The following AKAP9 variants were observed in gnomAD, a reference collection of about 807,000 sequenced individuals.
AKAP9 encodes A-kinase anchoring protein 9, also known as A-kinase anchor protein 9.
AKAP9 carries 311 observed loss-of-function variants against 488.5 expected under a neutral mutation model. The observed-to-expected ratio is 0.64, with a 90% CI of 0.58 to 0.70. The LOEUF (loss-of-function observed/expected upper bound fraction) is 0.70, where lower values mean the gene tolerates loss of function less well. Among genes scored for constraint, AKAP9 ranks in the 30% least tolerant of loss-of-function variants. The pLI is 0.00. For missense variants in AKAP9, 4,215 were observed against 4,374.5 expected (o/e 0.96, Z 1.03); for synonymous variants, 1,462 against 1,483.5 (o/e 0.99, Z 0.33).
At position 92,107,428 on chromosome 7, in the gene AKAP9, A is replaced by T; in HGVS notation, c.11546+6A>T. 1 of 1,613,026 alleles carries T rather than the reference A, an allele frequency of 6.2e-7. No individual in the cohort carries two copies. The highest frequency in any genetic ancestry group is 8.5e-7 in the Non-Finnish European group (1 of 1,179,318). On this transcript the variant is annotated splice_donor_region_variant and intron_variant, in intron 48 of 49. Transcript: ENST00000356239. The stretch of plus-strand genomic sequence containing the variant: ...CCTTTACCATTTCAGAATAGGTAAG[A>T]ATATGAGAAAACCTGCCTGGAATTG...
Position 91,973,896 on chromosome 7 carries a change from T to G in AKAP9, c.234T>G (p.Ile78Met), listed in dbSNP as rs1795367276. 1 of 1,613,960 alleles carries G rather than the reference T, an allele frequency of 6.2e-7. No individual in the cohort carries two copies. The highest frequency in any genetic ancestry group is 1.1e-5 in the South Asian group (1 of 91,064). ...CTCAGAGAGTAGAATCAACTGTGAT[T>G]CCTGAATCTACAATAATGAGAACTC... ...NSSQRVESTV[I>M]PESTIMRTLH... The change falls in exon 2 of 50, where the codon ATT becomes ATG. Residue 78 changes from isoleucine to methionine, a missense_variant. Around this residue, in one of 5 missense-constraint regions of AKAP9, gnomAD observed 2,361 missense variants for 2,430.0 expected, o/e 0.97. Coordinates refer to ENST00000356239, the MANE Select transcript of AKAP9 (RefSeq NM_005751.5).
At chr7:91,988,289 C>A (rs1271687783) in intron 3 of AKAP9, among the ~76,000 whole-genome samples, 2 of 130,044 alleles carry the variant, frequency 1.5e-5, no homozygotes, top group Non-Finnish European at 3.2e-5. Flanking sequence ...CAGAGCAAGA[C>A]CCCCTCTCAA....
chr7:91,992,837 A>G lies in AKAP9; in HGVS notation c.406-48A>G, dbSNP rs1288482384. ...TTTCAGTATTTGAATCTCTCTCCCT[A>G]AGGAATATTGCTAATACTGAATTCT... is the stretch of plus-strand genomic sequence containing the variant. On this transcript the variant is annotated intron_variant, in intron 4 of 49. Coordinates refer to ENST00000356239, the MANE Select transcript of AKAP9 (RefSeq NM_005751.5). 3.2e-6 allele frequency: 5 copies of G among 1,550,674 alleles called. No individual in the cohort carries two copies. In the African/African-American group the frequency reaches 6.8e-5, roughly 21 times the overall value.
In AKAP9 at chr7:92,084,917, G is replaced by C. The variant is rs1395204504; in HGVS notation, c.8809G>C (p.Asp2937His). The C allele has an allele frequency of 6.2e-7, 1 of 1,613,234 alleles. No homozygotes were observed. Among genetic ancestry groups the C allele is most frequent in the Non-Finnish European group, 8.5e-7 (1 of 1,179,556 alleles). The stretch of plus-strand genomic sequence containing the variant: ...AGGAGAAGAAAGTGAAAGTGCAACA[G>C]ATTCCTTTCCAAAGAAAATAAAGGT... ...GRGEESESAT[D>H]SFPKKIKGLL... The change falls in exon 35 of 50, where the codon GAT becomes CAT. Residue 2937 changes from aspartate to histidine, a missense_variant. Asp to His is a moderately conservative substitution (Grantham distance 81). Around this residue, in one of 5 missense-constraint regions of AKAP9, gnomAD observed 1,476 missense variants for 1,477.4 expected, o/e 1.00. Transcript: ENST00000356239.
rs1408173095 is a variant in AKAP9 at position 91,957,068 on chromosome 7, G to C, written c.48+15921G>C. On this transcript the variant is annotated intron_variant, in intron 1 of 49. Transcript: ENST00000356239. ...TTTGTAACGCGAATAACTACTTCCT[G>C]ATTTACATCTCAATATATTCTCCTT... is the stretch of plus-strand genomic sequence containing the variant. 2.0e-5 allele frequency among the ~76,000 whole-genome samples: 3 copies of C among 151,962 alleles called. No homozygotes were observed. The East Asian group carries it at 5.8e-4, about 29-fold the overall frequency.
Position 91,994,780 on chromosome 7 carries a change from A to G in AKAP9, c.732+4A>G. The G allele has an allele frequency of 6.2e-7, 1 of 1,607,108 alleles. No homozygotes were observed. Among genetic ancestry groups the G allele is most frequent in the Non-Finnish European group, 8.5e-7 (1 of 1,176,088 alleles). On this transcript the variant is annotated splice_donor_region_variant and intron_variant, in intron 6 of 49. Transcript: ENST00000356239. ...ATTACAGATTCAATTTCAGCAAGTA[A>G]GTATTACTAATGCAACAAAATTCAT...
At chr7:91,976,817 A>G (rs1212064204) in intron 2 of AKAP9, among the ~76,000 whole-genome samples, 1 of 151,910 alleles carries the variant, frequency 6.6e-6, no homozygotes, top group Non-Finnish European at 1.5e-5. Flanking sequence ...TCAATTCCAG[A>G]ATTTTTATTT....
chr7:92,061,781 G>A (rs1226379068), intron 23 of AKAP9, among the ~76,000 whole-genome samples: 1 of 151,630 alleles, frequency 6.6e-6, no homozygotes, highest in Non-Finnish European at 1.5e-5. Context: ...AATTGTTAAA[G>A]GGCACAAATA....
In AKAP9 at chr7:92,070,233, A is replaced by C. The variant is rs143180980; in HGVS notation, c.6507+27A>C. 6.9e-4 allele frequency: 1,116 copies of C among 1,611,736 alleles called. 9 individuals carry two copies. The African/African-American group carries it at 0.013, about 18-fold the overall frequency. ...TGTGGCATTTTATTTGGGCTAACTT[A>C]ATAAGTGTTTTAATGAAGAATACTC... On this transcript the variant is annotated intron_variant, in intron 27 of 49. Coordinates refer to ENST00000356239, the MANE Select transcript of AKAP9 (RefSeq NM_005751.5).
intron 28 of AKAP9, among the ~76,000 whole-genome samples, chr7:92,073,340 CAAA>C (rs397713211): frequency 7.9e-6 from 1 of 127,092 alleles, no homozygotes. Flanking sequence ...ACTAAAAATA[CAAA>C]AAAAAAAAAA....
chr7:92,056,235 T>C (rs1808770507), intron 22 of AKAP9, among the ~76,000 whole-genome samples: 1 of 151,992 alleles, frequency 6.6e-6, no homozygotes, highest in Non-Finnish European at 1.5e-5. Context: ...TGTTAACTGT[T>C]TATAAAGGGT....
intron 30 of AKAP9, among the ~76,000 whole-genome samples, chr7:92,078,769 C>G (rs530680090): frequency 1.4e-4 from 22 of 152,076 alleles, no homozygotes; most frequent in African/African-American, 5.3e-4. Flanking sequence ...ACCTTTGGTG[C>G]CATCGGTTGT....
At chr7:91,982,159 T>C (rs1164651623) in intron 3 of AKAP9, among the ~76,000 whole-genome samples, 1 of 148,994 alleles carries the variant, frequency 6.7e-6, no homozygotes, top group Non-Finnish European at 1.5e-5. Flanking sequence ...TCTAAGTATT[T>C]TACGTACGTA....
At chr7:91,968,155 C>G (rs1014716802) in intron 1 of AKAP9, among the ~76,000 whole-genome samples, 2 of 152,112 alleles carry the variant, frequency 1.3e-5, no homozygotes, top group African/African-American at 4.8e-5. Flanking sequence ...CCAGGCTGGT[C>G]TCAAACTCCT....
At position 92,022,974 on chromosome 7, in the gene AKAP9, G is replaced by A; in HGVS notation, c.4113G>A (p.Arg1371=). The A allele has an allele frequency of 6.2e-7, 1 of 1,614,028 alleles. No individual in the cohort carries two copies. Among genetic ancestry groups the A allele is most frequent in the East Asian group, 2.2e-5 (1 of 44,842 alleles). Residue 1371 remains arginine (R), a synonymous_variant, in exon 14 of 50, where the codon AGG becomes AGA. Coordinates refer to ENST00000356239, the MANE Select transcript of AKAP9 (RefSeq NM_005751.5). Reference sequence around the variant, plus strand: ...CAGAGATCCACTGTTTACAGAAGAGGCTTCAAGCTGTTAGTGAGTCCACGG... The same window carrying A: ...CAGAGATCCACTGTTTACAGAAGAGACTTCAAGCTGTTAGTGAGTCCACGG... ...YEAEIHCLQK[R]LQAVSESTVP... is the part of the protein sequence containing the mutation.
At chr7:92,014,440 C>T (rs1339743943) in intron 10 of AKAP9, 112 bp downstream of exon 10, 2 of 765,588 alleles carry the variant, frequency 2.6e-6, no homozygotes, top group Non-Finnish European at 4.6e-6. Flanking sequence ...CCAGCCTGGC[C>T]AACGTGGTGA....
At chr7:91,980,361 TATC>T in intron 3 of AKAP9, 28 bp downstream of exon 3, 1 of 1,232,932 alleles carries the variant, frequency 8.1e-7, no homozygotes, top group Non-Finnish European at 1.2e-6. Flanking sequence ...TGATTTCTAA[TATC>T]ATAAATGTAT....
chr7:92,041,864 T>C, intron 18 of AKAP9, 182 bp from the exon 19 acceptor site: 1 of 595,224 alleles, frequency 1.7e-6, no homozygotes, highest in East Asian at 2.9e-5. Context: ...AATTGGCTTT[T>C]AAAAAATATT....
intron 22 of AKAP9, chr7:92,058,411 T>C (rs760991101): frequency 1.7e-5 from 9 of 521,408 alleles, no homozygotes; most frequent in South Asian, 1.4e-4. Context: ...CCCCTCCTTA[T>C]TCAGTAAGTA....
Sources: allele counts gnomAD v4.1 joint callset (sites outside exome capture counted in the v4.1 genomes callset), GRCh38; gene constraint gnomAD v4.1.1; regional missense constraint gnomAD v4.1.1; transcripts MANE v1.5; gene names NCBI Gene and HGNC (gene_info 2026-07-23, HGNC 2026-07-21).